Variants in MIA2 observed in about 807,000 individuals in gnomAD.
The protein encoded by MIA2 is melanoma inhibitory activity protein 2.
Under a neutral mutation model 167.8 loss-of-function variants are expected in MIA2, and 127 were observed. The ratio of observed to expected loss-of-function variants is 0.76; its 90% CI spans 0.66 to 0.88. MIA2 has a LOEUF of 0.88. Among genes scored for constraint, MIA2 ranks in the 40% least tolerant of loss-of-function variants. The pLI is 0.00. For missense variants in MIA2, 1,690 were observed against 1,624.7 expected (o/e 1.04, Z -0.69); for synonymous variants, 552 against 541.9 (o/e 1.02, Z -0.26).
chr14:39,280,343 T>A (rs1042484114), intron 9 of MIA2, among the ~76,000 whole-genome samples: 3 of 152,172 alleles, frequency 2.0e-5, no homozygotes, highest in African/African-American at 7.2e-5. Flanking sequence ...TCTACAAGTT[T>A]TTTTTTTGTG....
In MIA2 at chr14:39,277,768, A is replaced by ATGTGTG. The variant is rs1566685975; in HGVS notation, c.2019+704_2019+705insGTGTGT. ...TGTGTGTATATATATATATATATAT[A>ATGTGTG]TATATATATATATTTATATTTAAAG... is the stretch of plus-strand genomic sequence containing the variant. On this transcript the variant is annotated intron_variant, in intron 7 of 28. Transcript: ENST00000640607. Among the ~76,000 whole-genome samples the ATGTGTG allele has an allele frequency of 9.7e-4, 37 of 38,174 alleles. 3 individuals are homozygous for ATGTGTG. The highest frequency in any genetic ancestry group is 0.033 in the Middle Eastern group (2 of 60). 25.0% of individuals were successfully genotyped at this position (38,174 alleles called of 152,430 possible). A position where few individuals can be genotyped will look rare whatever the true frequency, so the allele number is the denominator to read the frequency against.
Position 39,248,071 on chromosome 14 carries a change from A to G in MIA2, c.1497A>G (p.Glu499=), listed in dbSNP as rs1430673330. Residue 499 remains glutamate, a synonymous_variant, in exon 4 of 29, where the codon GAA becomes GAG. Transcript: ENST00000640607. ...TAATTGAAAATGAAGAAACTGGAGAATTTTCCATTGATAATTATCCCACAG... is the reference window on the plus strand; with the variant it reads ...TAATTGAAAATGAAGAAACTGGAGAGTTTTCCATTGATAATTATCCCACAG... ...NNVIENEETG[E]FSIDNYPTDN... 6.4e-7 allele frequency: 1 copy of G among 1,566,688 alleles called. No individual in the cohort carries two copies. Among genetic ancestry groups the G allele is most frequent in the Non-Finnish European group, 8.6e-7 (1 of 1,164,364 alleles).
chr14:39,364,048 A>G (rs1485850286), intron 23 of MIA2, among the ~76,000 whole-genome samples: 1 of 152,076 alleles, frequency 6.6e-6, no homozygotes, highest in Non-Finnish European at 1.5e-5. Flanking sequence ...TGGTGAACTT[A>G]TTTTTGGCAT....
rs577561498 is a variant in MIA2 at position 39,386,353 on chromosome 14, C to T, written c.2249-532C>T. On this transcript the variant is annotated intron_variant, in intron 23 of 23. Coordinates refer to the MIA2 transcript ENST00000341502. ...TAGCTTCATCACAAGACTCAGACTCCGAGGAGGAACTGGGACTCTCTTTTG... is the reference window on the plus strand; with the variant it reads ...TAGCTTCATCACAAGACTCAGACTCTGAGGAGGAACTGGGACTCTCTTTTG... 17 of 1,537,642 alleles carry T rather than the reference C, an allele frequency of 1.1e-5. No individual in the cohort carries two copies. In the East Asian group the frequency reaches 1.8e-4, roughly 16 times the overall value.
At position 39,343,477 on chromosome 14, in the gene MIA2, C is replaced by T. The variant is rs1432748975; in HGVS notation, c.3656-2427C>T. Among the ~76,000 whole-genome samples the T allele has an allele frequency of 3.3e-5, 5 of 151,156 alleles. No homozygotes were observed. The South Asian group carries it at 6.3e-4, about 19-fold the overall frequency. ...TTGGTTTTAATAGATATCTCCCCAT[C>T]GCCCTCAACAGAAGCTGTGAATGAA... On this transcript the variant is annotated intron_variant, in intron 25 of 28. Coordinates refer to ENST00000640607, the MANE Select transcript of MIA2 (RefSeq NM_001329214.4).
At chr14:39,298,413 T>TTATATATATATATATATATATATATATA (rs71130838) in intron 13 of MIA2, among the ~76,000 whole-genome samples, 1 of 26,138 alleles carries the variant, frequency 3.8e-5, no homozygotes, top group African/African-American at 1.4e-4. Context: ...TGATTCTGTT[T>TTATATATATATATATATATATATATATA]TATATATATA....
chr14:39,289,722 A>T (rs913501571), intron 9 of MIA2, among the ~76,000 whole-genome samples: 1 of 152,140 alleles, frequency 6.6e-6, no homozygotes, highest in Non-Finnish European at 1.5e-5. Flanking sequence ...GCCTCAAGTG[A>T]TCCTCCCACG....
intron 11 of MIA2, 42 bp downstream of exon 11, chr14:39,293,423 T>C (rs544758892): frequency 8.0e-7 from 1 of 1,245,696 alleles, no homozygotes; most frequent in East Asian, 2.3e-5. Flanking sequence ...AAAAAGAAAG[T>C]TACTGAGCTT....
chr14:39,283,000 T>C (rs1388381044), intron 9 of MIA2, among the ~76,000 whole-genome samples: 7 of 152,270 alleles, frequency 4.6e-5, no homozygotes, highest in Non-Finnish European at 1.5e-5. Flanking sequence ...ATATTTTTCT[T>C]TCTATATCTG....
rs372915786 is a variant in MIA2 at position 39,370,463 on chromosome 14, GAA to G, written c.2249-16421_2249-16420del. ...TGCTTGTGGGATGGTGGGCCGGTTG[GAA>G]TAGTCTTAATGCCCTGTCGGAGCTT... On this transcript the variant is annotated intron_variant, in intron 23 of 23. Transcript: ENST00000341502. The G allele has an allele frequency of 1.0e-3, 264 of 257,628 alleles. 4 individuals are homozygous for G. Among genetic ancestry groups the G allele is most frequent in the South Asian group, 7.5e-3 (138 of 18,346 alleles). The allele number at this position is 257,628 out of a possible 1,614,324, so 16.0% of individuals were successfully genotyped here. A position where few individuals can be genotyped will look rare whatever the true frequency, so the allele number is the denominator to read the frequency against.
At chr14:39,374,125 A>G (rs753575656) in intron 23 of MIA2, among the ~76,000 whole-genome samples, 1 of 152,244 alleles carries the variant, frequency 6.6e-6, no homozygotes, top group Non-Finnish European at 1.5e-5. Flanking sequence ...TGAAAAGTCC[A>G]ATATGAGCCT....
intron 23 of MIA2, among the ~76,000 whole-genome samples, chr14:39,384,630 A>G (rs760354497): frequency 6.6e-6 from 1 of 152,202 alleles, no homozygotes; most frequent in Non-Finnish European, 1.5e-5. Context: ...TTTGTAGTGA[A>G]TAATAACAGA....
chr14:39,368,906 A>G (rs909965740), intron 23 of MIA2, among the ~76,000 whole-genome samples: 2 of 151,806 alleles, frequency 1.3e-5, no homozygotes, highest in African/African-American at 2.4e-5. Context: ...ATCTTCTTCA[A>G]TCTCTCTATA....
intron 4 of MIA2, among the ~76,000 whole-genome samples, chr14:39,251,001 A>C (rs1204898696): frequency 6.6e-6 from 1 of 151,680 alleles, no homozygotes. Flanking sequence ...CCTAAAAGAG[A>C]GATTTCTATA....
At chr14:39,362,077 A>G (rs916153700) in intron 23 of MIA2, among the ~76,000 whole-genome samples, 7 of 152,002 alleles carry the variant, frequency 4.6e-5, no homozygotes, top group Non-Finnish European at 7.4e-5. Context: ...ATGCTTTTTG[A>G]TTCAGTTTGC....
chr14:39,255,395 C>A lies in MIA2; in HGVS notation c.1887+2224C>A, dbSNP rs1318018486. Among the ~76,000 whole-genome samples the A allele has an allele frequency of 2.6e-5, 4 of 152,278 alleles. No individual in the cohort carries two copies. The East Asian group carries it at 7.7e-4, about 29-fold the overall frequency. On this transcript the variant is annotated intron_variant, in intron 6 of 28. Coordinates refer to ENST00000640607, the MANE Select transcript of MIA2 (RefSeq NM_001329214.4). ...TGGTGGCGCGCATCTATAATCCCAG[C>A]TACTTGAGAGGCTGAGACACAAGAA...
intron 6 of MIA2, among the ~76,000 whole-genome samples, chr14:39,257,061 T>C (rs748405068): frequency 1.6e-4 from 24 of 152,200 alleles, no homozygotes; most frequent in Middle Eastern, 3.2e-3. Flanking sequence ...AAATATTCTG[T>C]TGATTTGGGT....
chr14:39,242,996 G>A (rs905327626), intron 3 of MIA2, among the ~76,000 whole-genome samples: 1 of 151,732 alleles, frequency 6.6e-6, no homozygotes, highest in Admixed American at 6.6e-5. Flanking sequence ...GGTGGTGCAC[G>A]CCTGTAATCC....
At position 39,380,670 on chromosome 14, in the gene MIA2, C is replaced by T. The variant is rs376060202; in HGVS notation, c.2249-6215C>T. Among the ~76,000 whole-genome samples the T allele has an allele frequency of 1.1e-4, 14 of 122,744 alleles. No individual in the cohort carries two copies. The South Asian group carries it at 2.8e-3, about 24-fold the overall frequency. 80.5% of individuals were successfully genotyped at this position (122,744 alleles called of 152,430 possible). A position where few individuals can be genotyped will look rare whatever the true frequency, so the allele number is the denominator to read the frequency against. ...ATCGCACCACTGCACTCCAGCCTGG[C>T]GACAGAGCGAGACTCAGACTCAAAA... On this transcript the variant is annotated intron_variant, in intron 23 of 23. Coordinates refer to the MIA2 transcript ENST00000341502.
Sources: allele counts gnomAD v4.1 joint callset (sites outside exome capture counted in the v4.1 genomes callset), GRCh38; gene constraint gnomAD v4.1.1; transcripts MANE v1.5; gene names NCBI Gene and HGNC (gene_info 2026-07-23, HGNC 2026-07-21).